The following KAT6A variants were observed in gnomAD, a reference collection of about 807,000 sequenced individuals.
KAT6A encodes lysine acetyltransferase 6A, also known as histone acetyltransferase KAT6A.
A neutral mutation model predicts 198.4 loss-of-function variants in KAT6A; 9 were observed. The observed-to-expected ratio is 0.05, with a 90% CI of 0.03 to 0.08. KAT6A has a LOEUF of 0.08. Among genes scored for constraint, KAT6A ranks in the 10% least tolerant of loss-of-function variants. The probability of loss-of-function intolerance (pLI) is 1.00; values close to 1 mark genes in which losing one functional copy is unlikely to be tolerated. For missense variants in KAT6A, 2,077 were observed against 2,509.9 expected (o/e 0.83, Z 3.69); for synonymous variants, 890 against 883.0 (o/e 1.01, Z -0.14).
chr8:42,040,853 G>A (rs1382004166), intron 2 of KAT6A, among the ~76,000 whole-genome samples: 3 of 150,934 alleles, frequency 2.0e-5, no homozygotes, highest in African/African-American at 4.9e-5. Flanking sequence ...GCTTTATTTC[G>A]AGGTATGTCA....
chr8:42,045,698 T>C (rs1485475130), intron 2 of KAT6A, among the ~76,000 whole-genome samples: 3 of 151,260 alleles, frequency 2.0e-5, no homozygotes, highest in African/African-American at 7.3e-5. Flanking sequence ...TGTGGCCAGG[T>C]GCGGTGGATC....
intron 9 of KAT6A, among the ~76,000 whole-genome samples, chr8:41,951,598 C>A (rs2150869001): frequency 6.6e-6 from 1 of 152,286 alleles, no homozygotes; most frequent in East Asian, 1.9e-4. Flanking sequence ...ATCAACTGCA[C>A]ATGAAGTGTC....
chr8:42,049,225 T>C lies in KAT6A; in HGVS notation c.-248A>G, dbSNP rs767055477. ...ATGAATTTCTCAATAGCACCACACATGGGTCTCGTCATAAAGTTGTAAGAA... is the reference window on the plus strand; with the variant it reads ...ATGAATTTCTCAATAGCACCACACACGGGTCTCGTCATAAAGTTGTAAGAA... On this transcript the variant is annotated 5_prime_UTR_variant, in exon 2 of 17. The change abolishes an upstream ATG in the 5' untranslated region. Transcript: ENST00000265713. 4 of 463,446 alleles carry C rather than the reference T, an allele frequency of 8.6e-6. No homozygotes were observed. The highest frequency in any genetic ancestry group is 1.5e-5 in the Non-Finnish European group (4 of 263,114). The allele number at this position is 463,446 out of a possible 1,614,324, so 28.7% of individuals were successfully genotyped here. A position where few individuals can be genotyped will look rare whatever the true frequency, so the allele number is the denominator to read the frequency against.
intron 2 of KAT6A, among the ~76,000 whole-genome samples, chr8:42,029,553 G>C (rs910840099): frequency 6.7e-6 from 1 of 148,778 alleles, no homozygotes; most frequent in Non-Finnish European, 1.5e-5. Flanking sequence ...AGCACTCACA[G>C]TTGTAGTTTT....
chr8:42,031,037 A>AGG (rs1564077166), intron 2 of KAT6A, among the ~76,000 whole-genome samples: 6 of 93,518 alleles, frequency 6.4e-5, no homozygotes, highest in African/African-American at 2.3e-4. Flanking sequence ...AAAAAAAAAA[A>AGG]AGGGGGGGGG....
chr8:41,943,391 G>T (rs1182382054), intron 13 of KAT6A, among the ~76,000 whole-genome samples: 2 of 152,094 alleles, frequency 1.3e-5, no homozygotes, highest in Non-Finnish European at 2.9e-5. Context: ...TTTACTTTGT[G>T]CCATTTATAT....
At position 42,003,629 on chromosome 8, in the gene KAT6A, T is replaced by G. The variant is rs141136227; in HGVS notation, c.601-16066A>C. Reference sequence around the variant, plus strand: ...GGATTCTATTTAATATCTTAGCAACTTGGCATACCTACCTATCTTCAGGAG... The same window carrying G: ...GGATTCTATTTAATATCTTAGCAACGTGGCATACCTACCTATCTTCAGGAG... On this transcript the variant is annotated intron_variant, in intron 2 of 16. Coordinates refer to ENST00000265713, the MANE Select transcript of KAT6A (RefSeq NM_006766.5). 5.9e-3 allele frequency among the ~76,000 whole-genome samples: 894 copies of G among 152,194 alleles called. 4 individuals are homozygous for G. Among genetic ancestry groups the G allele is most frequent in the South Asian group, 0.028 (135 of 4,812 alleles).
chr8:42,003,999 T>C (rs895708042), intron 2 of KAT6A, among the ~76,000 whole-genome samples: 1 of 152,358 alleles, frequency 6.6e-6, no homozygotes, highest in Non-Finnish European at 1.5e-5. Flanking sequence ...TACGGTATTC[T>C]GTAATAACAG....
intron 16 of KAT6A, among the ~76,000 whole-genome samples, 184 bp downstream of exon 16, chr8:41,937,072 G>A (rs1464257098): frequency 6.6e-6 from 1 of 152,178 alleles, no homozygotes; most frequent in Non-Finnish European, 1.5e-5. Context: ...TGAGTTGAAG[G>A]GAAAACACAT....
intron 2 of KAT6A, among the ~76,000 whole-genome samples, chr8:41,998,586 A>G (rs1294432135): frequency 6.6e-6 from 1 of 152,158 alleles, no homozygotes; most frequent in Non-Finnish European, 1.5e-5. Flanking sequence ...TAATTCACCT[A>G]TGCCTTGCAC....
rs890323061 is a variant in KAT6A at position 41,939,442 on chromosome 8, A to T, written c.3039+1400T>A. ...GACTACAGTGGCTATTTACAGGTAC[A>T]ATCATTGTGCACTACAGCCTCCAGC... On this transcript the variant is annotated intron_variant, in intron 15 of 16. Coordinates refer to ENST00000265713, the MANE Select transcript of KAT6A (RefSeq NM_006766.5). Among the ~76,000 whole-genome samples, 3 of 152,122 alleles carry T rather than the reference A, an allele frequency of 2.0e-5. 1 individual carries two copies. Among genetic ancestry groups the T allele is most frequent in the East Asian group, 1.9e-4 (1 of 5,198 alleles).
At position 41,943,930 on chromosome 8, in the gene KAT6A, C is replaced by T. The variant is rs190790272; in HGVS notation, c.2046G>A (p.Pro682=). ...REGQAGSPEK[P]LSDLGRLSYM... ...AGGAAAGACGACCCAGATCAGATAA[C>T]GGTTTCTCTGGAGACCCTGCTTGGC... Residue 682 remains proline (P), a synonymous_variant, in exon 13 of 17, where the codon CCG becomes CCA. Transcript: ENST00000265713. 14 of 1,613,980 alleles carry T rather than the reference C, an allele frequency of 8.7e-6. No individual in the cohort carries two copies. The highest frequency in any genetic ancestry group is 6.7e-5 in the African/African-American group (5 of 75,000).
chr8:41,987,669 C>T, intron 2 of KAT6A, 106 bp from the exon 3 acceptor site: 1 of 741,696 alleles, frequency 1.3e-6, no homozygotes, highest in Admixed American at 2.2e-5. Context: ...AAGTTTAGGA[C>T]AATTGTATTA....
chr8:42,018,083 T>C (rs527892066), intron 2 of KAT6A, among the ~76,000 whole-genome samples: 58 of 152,306 alleles, frequency 3.8e-4, no homozygotes, highest in African/African-American at 1.3e-3. Flanking sequence ...TATTTTTTGC[T>C]TGTCAGTATT....
At chr8:42,050,446 G>A (rs1802553044) in intron 1 of KAT6A, among the ~76,000 whole-genome samples, 2 of 152,126 alleles carry the variant, frequency 1.3e-5, no homozygotes, top group Admixed American at 6.5e-5. Context: ...AACAATGCTA[G>A]ACAAATGGCT....
intron 2 of KAT6A, among the ~76,000 whole-genome samples, chr8:42,005,603 T>C (rs1450924343): frequency 1.3e-5 from 2 of 152,208 alleles, no homozygotes; most frequent in African/African-American, 4.8e-5. Context: ...CACATTTATC[T>C]ATGTAATGTC....
At chr8:41,991,138 C>T (rs1207735997) in intron 2 of KAT6A, among the ~76,000 whole-genome samples, 1 of 152,134 alleles carries the variant, frequency 6.6e-6, no homozygotes, top group Non-Finnish European at 1.5e-5. Flanking sequence ...TCCAGCACTT[C>T]CACTCCTAGC....
In KAT6A at chr8:41,933,849, C is replaced by A. The variant is rs1190721899; in HGVS notation, c.4371G>T (p.Gln1457His). ...EETLAACQTL[Q>H]SYTQADEDPQ... Reference sequence around the variant, plus strand: ...GGTCCTCGTCAGCCTGGGTGTAACTCTGCAGGGTCTGACACGCCGCAAGAG... The same window carrying A: ...GGTCCTCGTCAGCCTGGGTGTAACTATGCAGGGTCTGACACGCCGCAAGAG... Residue 1457 changes from glutamine to histidine, a missense_variant, in exon 17 of 17, where the codon CAG becomes CAT. Physicochemically the swap from Gln to His is conservative, Grantham distance 24. Transcript: ENST00000265713. The surrounding 1 kb of genome is among the most constrained non-coding windows in gnomAD (Gnocchi z 6.2). 1 of 1,614,144 alleles carries A rather than the reference C, an allele frequency of 6.2e-7. No homozygotes were observed. Among genetic ancestry groups the A allele is most frequent in the East Asian group, 2.2e-5 (1 of 44,870 alleles).
chr8:41,959,176 A>C, intron 8 of KAT6A, among the ~76,000 whole-genome samples: 1 of 151,892 alleles, frequency 6.6e-6, no homozygotes. Flanking sequence ...AAAAAAAAAA[A>C]AAAAGTTGGA....
Sources: allele counts gnomAD v4.1 joint callset (sites outside exome capture counted in the v4.1 genomes callset), GRCh38; gene constraint gnomAD v4.1.1; non-coding constraint Gnocchi (gnomAD v3.1); transcripts MANE v1.5; gene names NCBI Gene and HGNC (gene_info 2026-07-23, HGNC 2026-07-21).